The following MYO5A variants were observed in gnomAD, a reference collection of about 807,000 sequenced individuals.
The protein encoded by MYO5A is myosin VA.
A neutral mutation model predicts 249.7 loss-of-function variants in MYO5A; 98 were observed. The observed-to-expected ratio is 0.39, with a 90% CI of 0.33 to 0.46. The LOEUF (loss-of-function observed/expected upper bound fraction) is 0.46. Ranked by LOEUF, MYO5A falls within the 20% of genes least tolerant of loss-of-function variation. The pLI is 0.98. For synonymous variants in MYO5A, 778 were observed against 810.6 expected (o/e 0.96, Z 0.68); for missense variants, 1,696 against 2,308.8 (o/e 0.73, Z 5.44).
chr15:52,416,452 TC>T (rs766877246), intron 4 of MYO5A, 151 bp from the exon 5 acceptor site: 2 of 726,558 alleles, frequency 2.8e-6, no homozygotes, highest in Non-Finnish European at 4.6e-6. Context: ...TCAGGTTCAA[TC>T]CCTATACTGG....
At chr15:52,512,957 G>A (rs2077423015) in intron 1 of MYO5A, among the ~76,000 whole-genome samples, 1 of 151,020 alleles carries the variant, frequency 6.6e-6, no homozygotes, top group Admixed American at 6.6e-5. Context: ...GCAGTGAGCT[G>A]AGATCGCACC....
At position 52,307,289 on chromosome 15, in the gene MYO5A, T is replaced by C. The variant is rs191660653; in HGVS notation, c.*6407A>G. 4 of 152,276 alleles carry C rather than the reference T, an allele frequency of 2.6e-5. No homozygotes were observed. The highest frequency in any genetic ancestry group is 2.6e-4 in the Admixed American group (4 of 15,298). The allele number at this position is 152,276 out of a possible 1,614,324, so 9.4% of individuals were successfully genotyped here. A position where few individuals can be genotyped will look rare whatever the true frequency, so the allele number is the denominator to read the frequency against. ...AAGACACTGACAAAAACTCTTTATA[T>C]CCATATCTTTATTTAAACAAGTTTC... On this transcript the variant is annotated 3_prime_UTR_variant, in exon 42 of 42. Transcript: ENST00000399233.
At chr15:52,331,980 A>G (rs755004386) in intron 34 of MYO5A, 3 of 652,442 alleles carry the variant, frequency 4.6e-6, no homozygotes, top group Non-Finnish European at 5.7e-6. Flanking sequence ...AGGAGACTCA[A>G]ACTGTTTGGT....
Position 52,494,643 on chromosome 15 carries a change from C to A in MYO5A, c.27+34137G>T, listed in dbSNP as rs28626298. Among the ~76,000 whole-genome samples the A allele has an allele frequency of 2.0e-3, 312 of 152,292 alleles. 3 individuals are homozygous for A. Among genetic ancestry groups the A allele is most frequent in the African/African-American group, 7.1e-3 (293 of 41,550 alleles). ...GAGTAGCTGGGACTTCAGGCACACA[C>A]CACCACGTCCGGATAATTTTTGTAT... On this transcript the variant is annotated intron_variant, in intron 1 of 41. Coordinates refer to ENST00000399233, the MANE Select transcript of MYO5A (RefSeq NM_001382347.1).
At chr15:52,467,442 T>C (rs1056982411) in intron 1 of MYO5A, among the ~76,000 whole-genome samples, 6 of 152,008 alleles carry the variant, frequency 3.9e-5, no homozygotes, top group Non-Finnish European at 7.4e-5. Context: ...ATCTCAAAAC[T>C]TGAAGACAAG....
At chr15:52,400,126 T>G (rs2042682740) in intron 9 of MYO5A, among the ~76,000 whole-genome samples, 1 of 152,214 alleles carries the variant, frequency 6.6e-6, no homozygotes, top group Non-Finnish European at 1.5e-5. Flanking sequence ...TGTCCTACTT[T>G]TCAACATTTG....
chr15:52,501,839 T>C (rs190401614), intron 1 of MYO5A, among the ~76,000 whole-genome samples: 18 of 149,416 alleles, frequency 1.2e-4, no homozygotes, highest in African/African-American at 4.2e-4. Context: ...TTCCATAACA[T>C]AGGCATACAC....
intron 12 of MYO5A, among the ~76,000 whole-genome samples, chr15:52,389,778 C>T (rs1229903635): frequency 2.0e-5 from 3 of 152,220 alleles, no homozygotes; most frequent in African/African-American, 7.2e-5. Context: ...AATGGAGAAA[C>T]CCTGTCTCTA....
At position 52,351,210 on chromosome 15, in the gene MYO5A, G is replaced by C. The variant is rs2039933502; in HGVS notation, c.3849+44C>G. ...GAGGGAAGGGATAAGAAGATATTGA[G>C]GCCAGTCCCCGAACACCCAGTTTAA... On this transcript the variant is annotated intron_variant, in intron 28 of 41. Transcript: ENST00000399233. 2.7e-6 allele frequency: 4 copies of C among 1,481,484 alleles called. No homozygotes were observed. In the East Asian group the frequency reaches 9.1e-5, roughly 34 times the overall value. The allele number at this position is 1,481,484 out of a possible 1,614,324, so 91.8% of individuals were successfully genotyped here.
At chr15:52,418,901 T>C (rs2043652136) in intron 4 of MYO5A, among the ~76,000 whole-genome samples, 1 of 152,220 alleles carries the variant, frequency 6.6e-6, no homozygotes, top group Non-Finnish European at 1.5e-5. Context: ...TTTATAGATT[T>C]TCCTTTCGAA....
At chr15:52,476,282 G>A (rs2076590848) in intron 1 of MYO5A, among the ~76,000 whole-genome samples, 1 of 151,914 alleles carries the variant, frequency 6.6e-6, no homozygotes, top group Admixed American at 6.6e-5. Flanking sequence ...GAGCCTATGT[G>A]TGTCTCTGCA....
Position 52,375,370 on chromosome 15 carries a change from T to C in MYO5A, c.2511A>G (p.Arg837=), listed in dbSNP as rs372246980. 3.1e-6 allele frequency: 5 copies of C among 1,614,018 alleles called. No homozygotes were observed. Among genetic ancestry groups the C allele is most frequent in the Non-Finnish European group, 4.2e-6 (5 of 1,180,012 alleles). The part of the protein sequence containing the change: ...MYVVRRRYKI[R]RAATIVLQSY... ...ACTGAAGAACGATAGTGGCAGCTCG[T>C]CTAATCTTGTACCTCCTGCGGACCA... The change falls in exon 20 of 42, where the codon AGA becomes AGG. Residue 837 remains arginine, a synonymous_variant. Transcript: ENST00000399233.
At chr15:52,340,058 C>T (rs544447695) in intron 32 of MYO5A, 138 bp downstream of exon 32, 1 of 882,344 alleles carries the variant, frequency 1.1e-6, no homozygotes, top group African/African-American at 1.7e-5. Context: ...CTTACTCTGT[C>T]TCTGCTGGAG....
At chr15:52,410,264 C>G (rs2043191298) in intron 6 of MYO5A, 69 bp downstream of exon 6, 1 of 1,503,954 alleles carries the variant, frequency 6.6e-7, no homozygotes. Context: ...AAATGCATAC[C>G]AGCAAGCATG....
chr15:52,330,555 G>A (rs1184303979), intron 34 of MYO5A, 56 bp from the exon 35 acceptor site: 2 of 1,597,338 alleles, frequency 1.3e-6, no homozygotes, highest in Admixed American at 1.7e-5. Flanking sequence ...AAACATGAGA[G>A]GTCTCCAAGT....
At chr15:52,330,181 T>C (rs1050380732) in intron 35 of MYO5A, among the ~76,000 whole-genome samples, 172 bp downstream of exon 35, 3 of 151,878 alleles carry the variant, frequency 2.0e-5, no homozygotes, top group Non-Finnish European at 4.4e-5. Flanking sequence ...GTCCCTGCAG[T>C]TGGACTGAAA....
chr15:52,396,504 A>G, intron 10 of MYO5A, 107 bp from the exon 11 acceptor site: 2 of 685,746 alleles, frequency 2.9e-6, no homozygotes, highest in African/African-American at 1.8e-5. Flanking sequence ...ATTCCCCAAC[A>G]TTGTAAAACT....
At chr15:52,415,362 T>A (rs11855820) in intron 5 of MYO5A, among the ~76,000 whole-genome samples, 22,883 of 152,238 alleles carry the variant, frequency 0.15, 1,830 homozygotes, top group Middle Eastern at 0.22. Context: ...TCCAAAAATC[T>A]TATTAATAGA....
chr15:52,383,038 G>C (rs1183599087), intron 16 of MYO5A, 53 bp downstream of exon 16: 3 of 1,435,728 alleles, frequency 2.1e-6, no homozygotes, highest in African/African-American at 1.4e-5. Context: ...TGGCTGGTTT[G>C]GCACTTCTTA....
Sources: allele counts gnomAD v4.1 joint callset (sites outside exome capture counted in the v4.1 genomes callset), GRCh38; gene constraint gnomAD v4.1.1; transcripts MANE v1.5; gene names NCBI Gene and HGNC (gene_info 2026-07-23, HGNC 2026-07-21).